Variants in TYR observed in about 807,000 individuals in gnomAD.
The protein encoded by TYR is tyrosinase.
In TYR, 58 loss-of-function variants were observed where a neutral mutation model predicts 51.5. That is an observed-to-expected ratio of 1.13 (90% confidence interval 0.91 to 1.40). The LOEUF (loss-of-function observed/expected upper bound fraction) is 1.40, where lower values mean the gene tolerates loss of function less well. Among genes scored for constraint, TYR ranks in the 40% most tolerant of loss-of-function variants. TYR has a pLI of 0.00. For synonymous variants in TYR, 263 were observed against 235.2 expected (o/e 1.12, Z -1.08); for missense variants, 732 against 647.4 (o/e 1.13, Z -1.42).
chr11:89,198,844 G>T (rs772215071), intron 2 of TYR, among the ~76,000 whole-genome samples: 1 of 151,488 alleles, frequency 6.6e-6, no homozygotes, highest in Non-Finnish European at 1.5e-5. Flanking sequence ...GTGCCATGTT[G>T]GTGTGTGCTG....
chr11:89,284,577 A>C (rs1323314548), intron 3 of TYR, among the ~76,000 whole-genome samples, 196 bp from the exon 4 acceptor site: 1 of 151,912 alleles, frequency 6.6e-6, no homozygotes, highest in African/African-American at 2.4e-5. Context: ...CTCAATATTT[A>C]TTTTAAATGA....
intron 2 of TYR, among the ~76,000 whole-genome samples, chr11:89,195,938 G>A (rs756024541): frequency 1.3e-4 from 20 of 151,640 alleles, no homozygotes; most frequent in Admixed American, 1.1e-3. Flanking sequence ...TGGGACATGG[G>A]GACTGAAATT....
intron 3 of TYR, among the ~76,000 whole-genome samples, chr11:89,249,542 A>G (rs1944307456): frequency 6.6e-6 from 1 of 151,536 alleles, no homozygotes; most frequent in South Asian, 2.1e-4. Context: ...ATGAGGAGAG[A>G]AAAGTACTTG....
intron 2 of TYR, among the ~76,000 whole-genome samples, chr11:89,192,293 A>C (rs1209755123): frequency 6.6e-6 from 1 of 152,042 alleles, no homozygotes; most frequent in Non-Finnish European, 1.5e-5. Flanking sequence ...AATCACAAAC[A>C]AACACAACAA....
intron 3 of TYR, among the ~76,000 whole-genome samples, chr11:89,280,670 T>C (rs1944710727): frequency 1.3e-5 from 2 of 151,624 alleles, no homozygotes; most frequent in Non-Finnish European, 3.0e-5. Context: ...TCTAATATGA[T>C]ATAAATGATT....
intron 2 of TYR, among the ~76,000 whole-genome samples, chr11:89,220,476 T>C (rs1455939306): frequency 6.6e-6 from 1 of 152,188 alleles, no homozygotes; most frequent in Non-Finnish European, 1.5e-5. Flanking sequence ...AACATGACAT[T>C]TGGGCTAGGA....
At position 89,227,929 on chromosome 11, in the gene TYR, C is replaced by T. The variant is rs750566431; in HGVS notation, c.1143C>T (p.Ala381=). The T allele has an allele frequency of 1.2e-6, 2 of 1,613,530 alleles. No individual in the cohort carries two copies. The highest frequency in any genetic ancestry group is 1.1e-5 in the South Asian group (1 of 91,074). The change falls in exon 3 of 5, where the codon GCC becomes GCT. Residue 381 remains alanine (A), a synonymous_variant. Transcript: ENST00000263321. Reference sequence around the variant, plus strand: ...CAATGTCCCAGGTACAGGGATCTGCCAACGATCCTATCTTCCTTCTTCACC... The same window carrying T: ...CAATGTCCCAGGTACAGGGATCTGCTAACGATCCTATCTTCCTTCTTCACC... ...NGTMSQVQGS[A]NDPIFLLHHA...
chr11:89,212,091 T>A (rs567118237), intron 2 of TYR, among the ~76,000 whole-genome samples: 1 of 151,512 alleles, frequency 6.6e-6, no homozygotes, highest in East Asian at 1.9e-4. Flanking sequence ...ATAACTAAGA[T>A]CAGAGCAGAA....
chr11:89,285,986 C>T (rs1249012799), intron 4 of TYR, among the ~76,000 whole-genome samples: 1 of 151,902 alleles, frequency 6.6e-6, no homozygotes, highest in Non-Finnish European at 1.5e-5. Flanking sequence ...TCAACCCTCT[C>T]ACTCTTGTGC....
chr11:89,215,484 C>T (rs1434840324), intron 2 of TYR, among the ~76,000 whole-genome samples: 2 of 151,926 alleles, frequency 1.3e-5, no homozygotes, highest in African/African-American at 2.4e-5. Context: ...CAAACCTGCT[C>T]ATTGTGTACA....
chr11:89,222,047 A>G (rs942418866), intron 2 of TYR, among the ~76,000 whole-genome samples: 2 of 152,250 alleles, frequency 1.3e-5, no homozygotes, highest in African/African-American at 2.4e-5. Flanking sequence ...ATAATTTTCA[A>G]AGGAACATGG....
At chr11:89,205,660 G>T (rs766705305) in intron 2 of TYR, among the ~76,000 whole-genome samples, 2 of 151,856 alleles carry the variant, frequency 1.3e-5, no homozygotes, top group Non-Finnish European at 2.9e-5. Flanking sequence ...GAATGAAGGA[G>T]AACTCAAGGT....
At position 89,178,515 on chromosome 11, in the gene TYR, C is replaced by T; in HGVS notation, c.562C>T (p.Leu188=). 6.2e-7 allele frequency: 1 copy of T among 1,614,158 alleles called. No homozygotes were observed. The highest frequency in any genetic ancestry group is 8.5e-7 in the Non-Finnish European group (1 of 1,180,024). ...GCATTATTATGTGTCAATGGATGCA[C>T]TGCTTGGGGGATCTGAAATCTGGAG... ...WMHYYVSMDA[L]LGGSEIWRDI... Residue 188 remains leucine, a synonymous_variant, in exon 1 of 5, where the codon CTG becomes TTG. Coordinates refer to ENST00000263321, the MANE Select transcript of TYR (RefSeq NM_000372.5).
intron 2 of TYR, among the ~76,000 whole-genome samples, chr11:89,196,025 G>A (rs1236100536): frequency 6.6e-6 from 1 of 152,058 alleles, no homozygotes; most frequent in Non-Finnish European, 1.5e-5. Context: ...GTGTGACCTT[G>A]GGTATGTTAT....
intron 4 of TYR, among the ~76,000 whole-genome samples, chr11:89,288,032 C>A (rs1944812094): frequency 6.6e-6 from 1 of 151,810 alleles, no homozygotes; most frequent in South Asian, 2.1e-4. Flanking sequence ...CATATAATAA[C>A]AAGAGGAGCA....
At chr11:89,219,754 T>G (rs912631082) in intron 2 of TYR, among the ~76,000 whole-genome samples, 68 of 152,284 alleles carry the variant, frequency 4.5e-4, no homozygotes, top group African/African-American at 1.5e-3. Context: ...AATTCTTGCC[T>G]TCTCTGATCC....
At chr11:89,267,991 T>C (rs1231959503) in intron 3 of TYR, among the ~76,000 whole-genome samples, 1 of 151,930 alleles carries the variant, frequency 6.6e-6, no homozygotes, top group Non-Finnish European at 1.5e-5. Context: ...TTAATGGGAG[T>C]ACTTTTGTAC....
At chr11:89,215,475 A>G (rs1407400536) in intron 2 of TYR, among the ~76,000 whole-genome samples, 2 of 152,164 alleles carry the variant, frequency 1.3e-5, no homozygotes, top group African/African-American at 2.4e-5. Context: ...CCTATGTAAC[A>G]AACCTGCTCA....
chr11:89,272,643 G>C lies in TYR; in HGVS notation c.1185-12130G>C, dbSNP rs188673356. 3.5e-4 allele frequency among the ~76,000 whole-genome samples: 53 copies of C among 152,020 alleles called. 1 individual carries two copies. The highest frequency in any genetic ancestry group is 1.2e-3 in the African/African-American group (49 of 41,506). On this transcript the variant is annotated intron_variant, in intron 3 of 4. Coordinates refer to ENST00000263321, the MANE Select transcript of TYR (RefSeq NM_000372.5). ...TTAGCCCATCCTTTGAAGCTTTAAA[G>C]CCAGGCATTGAGTTCTTTCTAGCTA...
Sources: gnomAD v4.1 joint callset for allele counts (sites outside exome capture counted in the v4.1 genomes callset) on GRCh38, gnomAD v4.1.1 for gene constraint, MANE v1.5 for transcripts, NCBI Gene and HGNC (gene_info 2026-07-23, HGNC 2026-07-21) for gene names.